MSRA: variants seen among roughly 807,000 people sequenced by gnomAD.
MSRA encodes methionine sulfoxide reductase A, also known as mitochondrial peptide methionine sulfoxide reductase.
A neutral mutation model predicts 31.3 loss-of-function variants in MSRA; 54 were observed. That is an observed-to-expected ratio of 1.73 (90% CI 1.39 to 2.17). MSRA has a LOEUF of 2.17. MSRA is among the 30% of genes most tolerant of loss of function. The probability of loss-of-function intolerance (pLI) is 0.00; values close to 1 mark genes in which losing one functional copy is unlikely to be tolerated. For synonymous variants in MSRA, 169 were observed against 116.5 expected (o/e 1.45, Z -2.90); for missense variants, 507 against 300.9 (o/e 1.69, Z -5.07).
chr8:10,059,296 G>C (rs1162053013), intron 1 of MSRA, among the ~76,000 whole-genome samples: 7 of 152,294 alleles, frequency 4.6e-5, no homozygotes, highest in African/African-American at 1.7e-4. Flanking sequence ...AGGCACTGTA[G>C]TAATTTACTA....
At chr8:10,075,457 C>A (rs1321230553) in intron 1 of MSRA, among the ~76,000 whole-genome samples, 1 of 152,084 alleles carries the variant, frequency 6.6e-6, no homozygotes, top group Non-Finnish European at 1.5e-5. Context: ...ACTTTCCAAG[C>A]AGTTATTAGA....
chr8:10,218,639 A>G (rs1320733416), intron 2 of MSRA, among the ~76,000 whole-genome samples: 1 of 152,228 alleles, frequency 6.6e-6, no homozygotes, highest in African/African-American at 2.4e-5. Context: ...AGAAAGCAGG[A>G]TAAGTGGTGA....
chr8:10,133,291 G>A (rs1802032485), intron 1 of MSRA, among the ~76,000 whole-genome samples: 2 of 152,106 alleles, frequency 1.3e-5, no homozygotes, highest in Non-Finnish European at 2.9e-5. Context: ...GAATCCTCAC[G>A]ACCACTCTGA....
chr8:10,096,926 C>T (rs986763875), intron 1 of MSRA, among the ~76,000 whole-genome samples: 2 of 151,858 alleles, frequency 1.3e-5, no homozygotes, highest in African/African-American at 4.8e-5. Context: ...TTTTATATGC[C>T]GAAAGAATAC....
At chr8:10,204,689 TC>T (rs1294668782) in intron 1 of MSRA, among the ~76,000 whole-genome samples, 3 of 152,232 alleles carry the variant, frequency 2.0e-5, no homozygotes, top group Non-Finnish European at 4.4e-5. Flanking sequence ...CCTGAATATA[TC>T]CCTGTTGTTA....
At chr8:10,088,667 A>T (rs986034481) in intron 1 of MSRA, among the ~76,000 whole-genome samples, 1 of 151,986 alleles carries the variant, frequency 6.6e-6, no homozygotes, top group African/African-American at 2.4e-5. Context: ...ACCTGGGAGG[A>T]TGAGGTTGCA....
intron 1 of MSRA, among the ~76,000 whole-genome samples, chr8:10,073,156 A>G (rs1040260685): frequency 1.3e-5 from 2 of 152,204 alleles, no homozygotes; most frequent in Non-Finnish European, 2.9e-5. Flanking sequence ...CCTTAAAAAA[A>G]AAGTATTGAG....
intron 3 of MSRA, among the ~76,000 whole-genome samples, chr8:10,249,463 C>T (rs1467994649): frequency 6.6e-6 from 1 of 152,146 alleles, no homozygotes; most frequent in African/African-American, 2.4e-5. Flanking sequence ...TGCATGTGCC[C>T]ATAATTTCAT....
At chr8:10,098,636 C>T (rs190274864) in intron 1 of MSRA, among the ~76,000 whole-genome samples, 90 of 152,254 alleles carry the variant, frequency 5.9e-4, no homozygotes, top group Non-Finnish European at 1.3e-4. Flanking sequence ...ACTTTTCTTG[C>T]ACAATACACA....
intron 1 of MSRA, among the ~76,000 whole-genome samples, chr8:10,082,676 C>A (rs1798354709): frequency 6.6e-6 from 1 of 152,162 alleles, no homozygotes; most frequent in Non-Finnish European, 1.5e-5. Flanking sequence ...ACCAAACAGG[C>A]AAGAGGAAGT....
At chr8:10,137,149 C>G (rs766720259) in intron 1 of MSRA, among the ~76,000 whole-genome samples, 15 of 152,172 alleles carry the variant, frequency 9.9e-5, no homozygotes. Context: ...TTTGCTGGGA[C>G]GATGGGTGGC....
chr8:10,329,113 A>C (rs572200303), intron 5 of MSRA, among the ~76,000 whole-genome samples: 6 of 152,338 alleles, frequency 3.9e-5, no homozygotes, highest in African/African-American at 1.4e-4. Context: ...CCTTCCTCTC[A>C]CTACTTTGCC....
intron 3 of MSRA, among the ~76,000 whole-genome samples, chr8:10,268,034 A>G (rs2129098259): frequency 6.6e-6 from 1 of 152,256 alleles, no homozygotes; most frequent in South Asian, 2.1e-4. Flanking sequence ...CCCTGCTGTG[A>G]GAGCAGGAAT....
intron 5 of MSRA, among the ~76,000 whole-genome samples, chr8:10,389,576 C>T (rs1269335257): frequency 1.4e-4 from 22 of 152,252 alleles, no homozygotes; most frequent in Non-Finnish European, 1.3e-4. Context: ...ACTGACAGGA[C>T]TCCTTCCCTA....
intron 1 of MSRA, among the ~76,000 whole-genome samples, chr8:10,165,042 A>T (rs1273455883): frequency 6.6e-6 from 1 of 152,128 alleles, no homozygotes; most frequent in Non-Finnish European, 1.5e-5. Flanking sequence ...AACTGTATTG[A>T]TGTCTGGGCT....
At chr8:10,377,057 A>G (rs1805794993) in intron 5 of MSRA, among the ~76,000 whole-genome samples, 1 of 152,230 alleles carries the variant, frequency 6.6e-6, no homozygotes, top group Non-Finnish European at 1.5e-5. Context: ...CATCTGAGAA[A>G]TGGGGCTACA....
intron 2 of MSRA, among the ~76,000 whole-genome samples, chr8:10,216,704 C>A (rs28465315): frequency 0.21 from 32,136 of 152,158 alleles, 3,948 homozygotes; most frequent in South Asian, 0.34. Context: ...TATTCTACTT[C>A]GCATAATGTC....
intron 5 of MSRA, among the ~76,000 whole-genome samples, chr8:10,364,243 T>C (rs1400890408): frequency 6.6e-6 from 1 of 152,204 alleles, no homozygotes; most frequent in Non-Finnish European, 1.5e-5. Context: ...TTTCGGACTG[T>C]GGTGCTTTGG....
chr8:10,186,657 A>G (rs1258199786), intron 1 of MSRA, among the ~76,000 whole-genome samples: 4 of 152,148 alleles, frequency 2.6e-5, no homozygotes, highest in African/African-American at 4.8e-5. Flanking sequence ...AGCGCATACA[A>G]TTTAAACCTT....
Sources: gnomAD v4.1 joint callset for allele counts (sites outside exome capture counted in the v4.1 genomes callset) on GRCh38, gnomAD v4.1.1 for gene constraint, MANE v1.5 for transcripts, NCBI Gene and HGNC (gene_info 2026-07-23, HGNC 2026-07-21) for gene names.